RAP1GDS1: variants seen among roughly 807,000 people sequenced by gnomAD.
RAP1GDS1 encodes the protein RAP1, GTP-GDP dissociation stimulator 1.
In RAP1GDS1, 35 loss-of-function variants were observed where a neutral mutation model predicts 71.1. That is an observed-to-expected ratio of 0.49 (90% CI 0.38 to 0.65). The LOEUF is 0.65. RAP1GDS1 is among the 30% of genes least tolerant of loss of function. RAP1GDS1 has a pLI of 0.00. For missense variants in RAP1GDS1, 663 were observed against 706.1 expected, an observed-to-expected ratio of 0.94 and a Z score of 0.69; for synonymous variants, 229 against 243.1, an observed-to-expected ratio of 0.94 and a Z score of 0.54.
intron 12 of RAP1GDS1, 142 bp downstream of exon 12, chr4:98,421,536 A>G (rs1395850333): frequency 5.5e-6 from 5 of 901,392 alleles, no homozygotes; most frequent in Non-Finnish European, 7.5e-6. Context: ...TAATGTGCTT[A>G]GCTGATACAT....
intron 6 of RAP1GDS1, among the ~76,000 whole-genome samples, chr4:98,393,774 CTATA>C (rs1250892641): frequency 2.6e-5 from 4 of 152,102 alleles, no homozygotes; most frequent in East Asian, 1.9e-4. Flanking sequence ...ATTTCAAACA[CTATA>C]TATGAAAAAT....
intron 2 of RAP1GDS1, among the ~76,000 whole-genome samples, chr4:98,296,610 A>C (rs552615810): frequency 6.6e-6 from 1 of 152,294 alleles, no homozygotes; most frequent in Non-Finnish European, 1.5e-5. Context: ...AAATGTGTGA[A>C]GGCTACCAGC....
chr4:98,416,510 C>T (rs1748046042), intron 7 of RAP1GDS1, among the ~76,000 whole-genome samples: 1 of 151,502 alleles, frequency 6.6e-6, no homozygotes, highest in African/African-American at 2.4e-5. Flanking sequence ...CTGCACCTGG[C>T]TAATTTTTTT....
chr4:98,310,380 G>C (rs1730024316), intron 2 of RAP1GDS1, among the ~76,000 whole-genome samples: 1 of 152,106 alleles, frequency 6.6e-6, no homozygotes, highest in Admixed American at 6.5e-5. Flanking sequence ...GAGAAGCAAT[G>C]AGGTATGTTC....
At chr4:98,337,392 T>C (rs1300379944) in intron 2 of RAP1GDS1, among the ~76,000 whole-genome samples, 1 of 152,192 alleles carries the variant, frequency 6.6e-6, no homozygotes, top group African/African-American at 2.4e-5. Context: ...GGTCAAAATA[T>C]AGTCATCAAC....
intron 1 of RAP1GDS1, among the ~76,000 whole-genome samples, chr4:98,273,277 G>T (rs907105830): frequency 6.6e-6 from 1 of 152,104 alleles, no homozygotes; most frequent in Admixed American, 6.6e-5. Context: ...GCATTAAAAT[G>T]ATGTATAACA....
intron 1 of RAP1GDS1, among the ~76,000 whole-genome samples, chr4:98,277,487 C>T (rs1724396387): frequency 6.6e-6 from 1 of 152,160 alleles, no homozygotes; most frequent in African/African-American, 2.4e-5. Flanking sequence ...TCACTGTCCC[C>T]TATATTCTTC....
At chr4:98,300,264 G>A (rs79549117) in intron 2 of RAP1GDS1, among the ~76,000 whole-genome samples, 1 of 152,138 alleles carries the variant, frequency 6.6e-6, no homozygotes, top group Non-Finnish European at 1.5e-5. Context: ...GCAGCAAAAA[G>A]TTATGACTTA....
chr4:98,348,722 G>A (rs1200149313), intron 3 of RAP1GDS1, among the ~76,000 whole-genome samples: 2 of 152,182 alleles, frequency 1.3e-5, no homozygotes, highest in African/African-American at 2.4e-5. Flanking sequence ...GGCCAGTGAT[G>A]ATGAGCATTT....
intron 1 of RAP1GDS1, among the ~76,000 whole-genome samples, chr4:98,289,903 A>G (rs932751423): frequency 6.7e-6 from 1 of 148,270 alleles, no homozygotes; most frequent in Admixed American, 6.8e-5. Flanking sequence ...GCACAGAAAT[A>G]TTTTTTTTTT....
intron 3 of RAP1GDS1, among the ~76,000 whole-genome samples, chr4:98,351,994 A>G (rs555173923): frequency 6.6e-6 from 1 of 150,528 alleles, no homozygotes; most frequent in South Asian, 2.1e-4. Flanking sequence ...CTTTATACAT[A>G]TGTATATACT....
intron 2 of RAP1GDS1, among the ~76,000 whole-genome samples, chr4:98,306,407 G>A (rs1729332054): frequency 6.6e-6 from 1 of 152,104 alleles, no homozygotes; most frequent in Admixed American, 6.6e-5. Flanking sequence ...GAGAGAGCGA[G>A]GCAGCTCTCT....
At chr4:98,312,513 G>A (rs973241095) in intron 2 of RAP1GDS1, among the ~76,000 whole-genome samples, 2 of 152,102 alleles carry the variant, frequency 1.3e-5, no homozygotes, top group Non-Finnish European at 2.9e-5. Flanking sequence ...TGATGACAAG[G>A]AGACAGTAGA....
chr4:98,287,031 A>C (rs559598758), intron 1 of RAP1GDS1, among the ~76,000 whole-genome samples: 8 of 152,230 alleles, frequency 5.3e-5, no homozygotes, highest in African/African-American at 1.9e-4. Context: ...AATATTTCTT[A>C]ATCAAGACAG....
chr4:98,320,010 C>T (rs999517804), intron 2 of RAP1GDS1, among the ~76,000 whole-genome samples: 3 of 152,084 alleles, frequency 2.0e-5, no homozygotes, highest in Admixed American at 6.6e-5. Flanking sequence ...TTATGATGAT[C>T]CACTTCCACT....
In RAP1GDS1 at chr4:98,416,993, C is replaced by G. The variant is rs116859973; in HGVS notation, c.907+105C>G. On this transcript the variant is annotated intron_variant, in intron 8 of 14. Coordinates refer to ENST00000408927, the MANE Select transcript of RAP1GDS1 (RefSeq NM_001100427.2). The stretch of plus-strand genomic sequence containing the variant: ...CCTAGACATTTTCTCATATTCCTAT[C>G]TCACCTGCTATTGAGGTGATGATTT... The G allele has an allele frequency of 6.3e-5, 80 of 1,266,682 alleles. No individual in the cohort carries two copies. In the East Asian group the frequency reaches 1.7e-3, roughly 28 times the overall value. The allele number at this position is 1,266,682 out of a possible 1,614,324, so 78.5% of individuals were successfully genotyped here.
chr4:98,328,478 G>C (rs146669084), intron 2 of RAP1GDS1, among the ~76,000 whole-genome samples: 1 of 152,122 alleles, frequency 6.6e-6, no homozygotes. Flanking sequence ...TGAACTTTCC[G>C]TGTGATTCGT....
intron 1 of RAP1GDS1, among the ~76,000 whole-genome samples, chr4:98,283,848 A>T (rs1198870772): frequency 6.8e-6 from 1 of 146,048 alleles, no homozygotes; most frequent in African/African-American, 2.5e-5. Context: ...TTAGTCACTA[A>T]TTCAGATACA....
At chr4:98,323,583 T>G (rs1447934210) in intron 2 of RAP1GDS1, among the ~76,000 whole-genome samples, 3 of 139,832 alleles carry the variant, frequency 2.1e-5, no homozygotes, top group Non-Finnish European at 4.6e-5. Flanking sequence ...CATGATCAAG[T>G]GGGCTTCATC....
Sources: allele counts gnomAD v4.1 joint callset (sites outside exome capture counted in the v4.1 genomes callset), GRCh38; gene constraint gnomAD v4.1.1; transcripts MANE v1.5; gene names NCBI Gene and HGNC (gene_info 2026-07-23, HGNC 2026-07-21).